The following PLA2R1 variants were observed in gnomAD, a reference collection of about 807,000 sequenced individuals.
PLA2R1 encodes secretory phospholipase A2 receptor.
PLA2R1 carries 158 observed loss-of-function variants against 195.9 expected under a neutral mutation model. That is an observed-to-expected ratio of 0.81 (90% CI 0.71 to 0.92). The LOEUF is 0.92. PLA2R1 is among the 40% of genes least tolerant of loss of function. The probability of loss-of-function intolerance (pLI) is 0.00; values close to 1 mark genes in which losing one functional copy is unlikely to be tolerated. For synonymous variants in PLA2R1, 586 were observed against 598.2 expected (o/e 0.98, Z 0.30); for missense variants, 1,626 against 1,764.6 (o/e 0.92, Z 1.41).
intron 9 of PLA2R1, 28 bp downstream of exon 9, chr2:160,016,578 TCCCTGTAC>T: frequency 1.0e-6 from 1 of 968,048 alleles, no homozygotes; most frequent in Non-Finnish European, 1.7e-6. Context: ...AGCTATGAAG[TCCCTGTAC>T]CTAAATTGCA....
At chr2:160,056,516 C>T (rs368733220) in intron 1 of PLA2R1, among the ~76,000 whole-genome samples, 1 of 152,324 alleles carries the variant, frequency 6.6e-6, no homozygotes, top group African/African-American at 2.4e-5. Flanking sequence ...ATTTTGCACT[C>T]TATAACCACT....
intron 1 of PLA2R1, among the ~76,000 whole-genome samples, chr2:160,060,138 T>C (rs888241059): frequency 6.6e-6 from 1 of 152,256 alleles, no homozygotes; most frequent in African/African-American, 2.4e-5. Context: ...ATGTATAATC[T>C]GCTGTGCATT....
At chr2:159,943,961 T>C (rs888527087) in intron 28 of PLA2R1, among the ~76,000 whole-genome samples, 2 of 152,086 alleles carry the variant, frequency 1.3e-5, no homozygotes, top group African/African-American at 4.8e-5. Context: ...CCTCTTTCGT[T>C]CCTAGTTTAA....
chr2:160,024,746 G>A (rs1197444003), intron 6 of PLA2R1, among the ~76,000 whole-genome samples: 1 of 152,134 alleles, frequency 6.6e-6, no homozygotes, highest in African/African-American at 2.4e-5. Context: ...GGGACATCCT[G>A]CCCTCCAACA....
intron 3 of PLA2R1, among the ~76,000 whole-genome samples, chr2:160,039,682 G>A (rs1694400507): frequency 1.3e-5 from 2 of 152,164 alleles, no homozygotes; most frequent in South Asian, 4.2e-4. Flanking sequence ...TGGCTACCGG[G>A]AGCCAAAAGT....
intron 1 of PLA2R1, among the ~76,000 whole-genome samples, chr2:160,060,154 A>T (rs564337443): frequency 6.6e-6 from 1 of 152,246 alleles, no homozygotes; most frequent in Admixed American, 6.5e-5. Flanking sequence ...GCATTATTAC[A>T]TAGCCATTAT....
At position 159,970,147 on chromosome 2, in the gene PLA2R1, C is replaced by T. The variant is rs748879814; in HGVS notation, c.2660+1G>A. 1 of 1,594,780 alleles carries T rather than the reference C, an allele frequency of 6.3e-7. No individual in the cohort carries two copies. The highest frequency in any genetic ancestry group is 8.6e-7 in the Non-Finnish European group (1 of 1,165,088). ...AAATGCAAATGAATCTAGGTTCATA[C>T]CGAAATTCATCATTGGCTCTTTCTT... On this transcript the variant is annotated splice_donor_variant, in intron 18 of 29. Transcript: ENST00000283243. LOFTEE classifies it high-confidence loss of function.
chr2:160,026,590 G>A (rs1476824245), intron 6 of PLA2R1, among the ~76,000 whole-genome samples: 6 of 152,116 alleles, frequency 3.9e-5, no homozygotes, highest in Admixed American at 2.6e-4. Flanking sequence ...CCTTTCTCAC[G>A]AGACTGTCCC....
In PLA2R1 at chr2:160,042,162, G is replaced by T. The variant is rs748144273; in HGVS notation, c.530C>A (p.Pro177Gln). Residue 177 changes from proline to glutamine, a missense_variant, in exon 3 of 30, where the codon CCG (proline) becomes CAG (glutamine). Pro to Gln is a moderately conservative substitution (Grantham distance 76). Coordinates refer to ENST00000283243, the MANE Select transcript of PLA2R1 (RefSeq NM_007366.5). ...GTTATACTGGAAGGGAAACATACAC[G>T]GCATCCCGTGGGTGTTCCCTTTGAT... The part of the protein sequence containing the change: ...HTIKGNTHGM[P>Q]CMFPFQYNHQ... 17 of 1,613,870 alleles carry T rather than the reference G, an allele frequency of 1.1e-5. No individual in the cohort carries two copies. Among genetic ancestry groups the T allele is most frequent in the Non-Finnish European group, 1.4e-5 (16 of 1,179,872 alleles).
intron 24 of PLA2R1, among the ~76,000 whole-genome samples, chr2:159,950,927 C>G (rs929953866): frequency 9.9e-5 from 15 of 152,134 alleles, no homozygotes; most frequent in African/African-American, 3.6e-4. Context: ...ATAAGTGGTA[C>G]TAAACTAATT....
intron 1 of PLA2R1, among the ~76,000 whole-genome samples, chr2:160,053,239 A>C (rs1182952384): frequency 6.6e-6 from 1 of 151,746 alleles, no homozygotes; most frequent in African/African-American, 2.4e-5. Context: ...CCTTCTTATG[A>C]GTATACCAGT....
intron 1 of PLA2R1, among the ~76,000 whole-genome samples, chr2:160,046,062 G>C (rs113131543): frequency 6.6e-6 from 1 of 152,200 alleles, no homozygotes; most frequent in Non-Finnish European, 1.5e-5. Flanking sequence ...CCAAGTTGCG[G>C]GCCTGGAAGG....
At chr2:160,053,493 G>T (rs1559022692) in intron 1 of PLA2R1, among the ~76,000 whole-genome samples, 1 of 152,086 alleles carries the variant, frequency 6.6e-6, no homozygotes, top group South Asian at 2.1e-4. Flanking sequence ...CTTTCCCTCA[G>T]GCCCACAGGA....
chr2:159,942,228 T>C (rs763062481), intron 28 of PLA2R1, 69 bp from the exon 29 acceptor site: 1 of 1,190,854 alleles, frequency 8.4e-7, no homozygotes, highest in Admixed American at 1.8e-5. Flanking sequence ...CATTACTTAC[T>C]CAGGGATCAG....
At chr2:160,021,331 T>C (rs1331348209) in intron 7 of PLA2R1, among the ~76,000 whole-genome samples, 3 of 152,174 alleles carry the variant, frequency 2.0e-5, no homozygotes, top group African/African-American at 7.2e-5. Context: ...TACTCATATG[T>C]TTATCACAGC....
At chr2:160,029,724 T>C (rs1693742293) in intron 4 of PLA2R1, among the ~76,000 whole-genome samples, 2 of 152,182 alleles carry the variant, frequency 1.3e-5, no homozygotes, top group South Asian at 4.1e-4. Context: ...ATTTTAAACA[T>C]TATTCCAGAA....
At chr2:160,001,052 G>A (rs1691555026) in intron 11 of PLA2R1, among the ~76,000 whole-genome samples, 1 of 152,040 alleles carries the variant, frequency 6.6e-6, no homozygotes, top group South Asian at 2.1e-4. Flanking sequence ...CTAATGAAAA[G>A]GATATGAAAC....
At chr2:159,987,423 C>T in intron 11 of PLA2R1, 65 bp from the exon 12 acceptor site, 1 of 1,123,258 alleles carries the variant, frequency 8.9e-7, no homozygotes, top group Non-Finnish European at 1.3e-6. Flanking sequence ...CAGAAGACTG[C>T]TCTTTAGAGT....
chr2:160,008,871 A>G (rs7606988), intron 10 of PLA2R1, among the ~76,000 whole-genome samples: 30,626 of 152,204 alleles, frequency 0.2, 3,488 homozygotes, highest in Admixed American at 0.35. Context: ...AAACATCCCA[A>G]TTAAAAAATG....
Sources: gnomAD v4.1 joint callset for allele counts (sites outside exome capture counted in the v4.1 genomes callset) on GRCh38, gnomAD v4.1.1 for gene constraint, MANE v1.5 for transcripts, NCBI Gene and HGNC (gene_info 2026-07-23, HGNC 2026-07-21) for gene names.